Variants in WDR90 observed in about 807,000 individuals in gnomAD.
The protein encoded by WDR90 is WD repeat-containing protein 90.
In WDR90, 238 loss-of-function variants were observed where a neutral mutation model predicts 195.2. The observed-to-expected ratio is 1.22, with a 90% confidence interval of 1.10 to 1.36. The LOEUF (loss-of-function observed/expected upper bound fraction) is 1.36. Ranked by LOEUF, WDR90 falls within the 40% of genes most tolerant of loss-of-function variation. The probability of loss-of-function intolerance (pLI) is 0.00; values close to 1 mark genes in which losing one functional copy is unlikely to be tolerated. For missense variants in WDR90, 2,734 were observed against 2,439.5 expected, an observed-to-expected ratio of 1.12 and a Z score of -2.54; for synonymous variants, 1,265 against 1,052.4, an observed-to-expected ratio of 1.20 and a Z score of -3.91.
Position 651,938 on chromosome 16 carries a change from G to T in WDR90, c.952G>T (p.Ala318Ser), listed in dbSNP as rs1264730992. ...GPGFHSLEPWAQLEASDIHTA... is the reference protein window; with the variant it reads ...GPGFHSLEPWSQLEASDIHTA... ...CGGTTTCCATAGCCTTGAGCCCTGG[G>T]CCCAGCTGGAGGCCTCTGACATCCA... Residue 318 changes from alanine (A) to serine (S), a missense_variant, in exon 9 of 41, where the codon GCC becomes TCC. Physicochemically the swap from Ala to Ser is moderately conservative, Grantham distance 99 (BLOSUM62 1). Coordinates refer to ENST00000293879, the MANE Select transcript of WDR90 (RefSeq NM_145294.5). The T allele has an allele frequency of 4.4e-6, 7 of 1,609,026 alleles. No individual in the cohort carries two copies. The highest frequency in any genetic ancestry group is 5.9e-6 in the Non-Finnish European group (7 of 1,178,674).
chr16:660,216 C>T (rs1021914448), intron 27 of WDR90, 55 bp downstream of exon 27: 83 of 1,414,598 alleles, frequency 5.9e-5, no homozygotes, highest in African/African-American at 1.7e-4. Flanking sequence ...AGAGGCCCCC[C>T]GCAGGGCTCC....
chr16:658,698 C>G (rs2037817490), intron 23 of WDR90, 45 bp downstream of exon 23: 3 of 1,592,002 alleles, frequency 1.9e-6, no homozygotes, highest in African/African-American at 2.7e-5. Flanking sequence ...CAGGAGCCTC[C>G]TCAGGTGGCC....
chr16:649,855 G>A lies in WDR90; in HGVS notation c.102+1G>A. 1 of 1,578,396 alleles carries A rather than the reference G, an allele frequency of 6.3e-7. No homozygotes were observed. The highest frequency in any genetic ancestry group is 1.3e-5 in the African/African-American group (1 of 74,364). ...GCAGGGGGACGTGGCCGTGGTCACG[G>A]TAGGCGGCCGGGGGCTCGCCCGGAG... On this transcript the variant is annotated splice_donor_variant, in intron 2 of 40. Transcript: ENST00000293879. LOFTEE classifies it high-confidence loss of function.
intron 13 of WDR90, chr16:654,750 A>G: frequency 2.1e-6 from 1 of 476,578 alleles, no homozygotes; most frequent in Non-Finnish European, 3.8e-6. Flanking sequence ...GTGCCCAGCC[A>G]CGAGCTGCTT....
At chr16:658,875 A>G (rs768149146) in intron 23 of WDR90, 21 bp from the exon 24 acceptor site, 3 of 1,609,648 alleles carry the variant, frequency 1.9e-6, no homozygotes, top group Middle Eastern at 1.7e-4. Flanking sequence ...GGGGTCCTGC[A>G]TGTGACGCCG....
chr16:667,123 C>A, intron 40 of WDR90, 134 bp downstream of exon 40: 1 of 986,788 alleles, frequency 1.0e-6, no homozygotes, highest in Non-Finnish European at 1.5e-6. Flanking sequence ...GGACATCTGC[C>A]CTAGAGAGGG....
chr16:660,362 GCCT>G (rs1260988351), intron 27 of WDR90, among the ~76,000 whole-genome samples: 1 of 152,122 alleles, frequency 6.6e-6, no homozygotes, highest in Admixed American at 6.5e-5. Context: ...CTCTGTGGTG[GCCT>G]CCTGCTGACC....
At position 661,728 on chromosome 16, in the gene WDR90, G is replaced by A; in HGVS notation, c.3805G>A (p.Gly1269Ser). ...PWDAGELTCV[G>S]QGTVTFWLLQ... ...GGACGCCGGCGAGCTCACCTGTGTG[G>A]GCCAGGGCACTGTCACCTTCTGGCT... Residue 1269 changes from glycine (G) to serine (S), a missense_variant, in exon 31 of 41, where the codon GGC becomes AGC. Coordinates refer to ENST00000293879, the MANE Select transcript of WDR90 (RefSeq NM_145294.5). The A allele has an allele frequency of 1.2e-6, 2 of 1,612,176 alleles. No individual in the cohort carries two copies. Among genetic ancestry groups the A allele is most frequent in the South Asian group, 1.1e-5 (1 of 91,048 alleles).
At chr16:650,895 GC>G in intron 5 of WDR90, 99 bp from the exon 6 acceptor site, 1 of 1,499,918 alleles carries the variant, frequency 6.7e-7, no homozygotes, top group South Asian at 1.2e-5. Context: ...CTGGGGTGGG[GC>G]GGTGGCTGGG....
chr16:652,061 G>A, intron 9 of WDR90, 22 bp downstream of exon 9: 1 of 1,565,458 alleles, frequency 6.4e-7, no homozygotes. Flanking sequence ...TCCCACAGCA[G>A]GCGGGGCCTG....
In WDR90 at chr16:650,977, C is replaced by G; in HGVS notation, c.560-18C>G. On this transcript the variant is annotated intron_variant, in intron 5 of 40. Transcript: ENST00000293879. The stretch of plus-strand genomic sequence containing the variant: ...CTAAACAGCCTCCCTTGACCTGGAA[C>G]AACCCTGCTCCTTGTAGCCATCTCT... 6.2e-7 allele frequency: 1 copy of G among 1,612,044 alleles called. No individual in the cohort carries two copies. The highest frequency in any genetic ancestry group is 8.5e-7 in the Non-Finnish European group (1 of 1,179,258).
chr16:661,918 G>C lies in WDR90; in HGVS notation c.3892G>C (p.Val1298Leu), dbSNP rs1416193931. 5 of 1,609,840 alleles carry C rather than the reference G, an allele frequency of 3.1e-6. No homozygotes were observed. In the African/African-American group the frequency reaches 6.7e-5, roughly 21 times the overall value. ...GCGTCGAGAGCCAGTCCCAGAGGCAGTGGGGGCTGGAGAGCTGACCTCGCT... is the reference window on the plus strand; with the variant it reads ...GCGTCGAGAGCCAGTCCCAGAGGCACTGGGGGCTGGAGAGCTGACCTCGCT... ...QVRREPVPEA[V>L]GAGELTSLCY... Residue 1298 changes from valine (V) to leucine (L), a missense_variant, in exon 32 of 41, where the codon GTG (valine) becomes CTG (leucine). Physicochemically the swap from Val to Leu is conservative, Grantham distance 32. Coordinates refer to ENST00000293879, the MANE Select transcript of WDR90 (RefSeq NM_145294.5).
chr16:666,845 G>A, intron 39 of WDR90, 53 bp downstream of exon 39: 1 of 1,612,876 alleles, frequency 6.2e-7, no homozygotes, highest in Non-Finnish European at 8.5e-7. Flanking sequence ...CAGGGTGGTG[G>A]GTGGGGCCTG....
At chr16:657,988 C>T (rs1331208794) in intron 21 of WDR90, 96 bp downstream of exon 21, 1 of 1,461,842 alleles carries the variant, frequency 6.8e-7, no homozygotes, top group Non-Finnish European at 9.1e-7. Flanking sequence ...GAGCAGGACC[C>T]AGGCCCTGTC....
chr16:651,669 T>C lies in WDR90; in HGVS notation c.762T>C (p.Pro254=). ...EAVLLGPGPQ[P]LPCPVASSKP... is the part of the protein sequence containing the mutation. ...TCCTCCTGGGGCCGGGGCCACAGCC[T>C]CTCCCTTGCCCGGTGGCCTCCAGCA... Residue 254 remains proline, a synonymous_variant, in exon 8 of 41, where the codon CCT becomes CCC. Coordinates refer to ENST00000293879, the MANE Select transcript of WDR90 (RefSeq NM_145294.5). 1 of 1,612,810 alleles carries C rather than the reference T, an allele frequency of 6.2e-7. No individual in the cohort carries two copies. Among genetic ancestry groups the C allele is most frequent in the Non-Finnish European group, 8.5e-7 (1 of 1,179,980 alleles).
At position 652,149 on chromosome 16, in the gene WDR90, T is replaced by A. The variant is rs558660350; in HGVS notation, c.1053+110T>A. 3.1e-5 allele frequency: 40 copies of A among 1,287,094 alleles called. No homozygotes were observed. In the Admixed American group the frequency reaches 6.1e-4, roughly 20 times the overall value. 79.7% of individuals were successfully genotyped at this position (1,287,094 alleles called of 1,614,324 possible). A position where few individuals can be genotyped will look rare whatever the true frequency, so the allele number is the denominator to read the frequency against. On this transcript the variant is annotated intron_variant, in intron 9 of 40. Coordinates refer to ENST00000293879, the MANE Select transcript of WDR90 (RefSeq NM_145294.5). Reference sequence around the variant, plus strand: ...GGATGTGCCTCCAACGGTCTCCTCTTGTTCAGCCTCCTGGCAAGGAGCAGA... The same window carrying A: ...GGATGTGCCTCCAACGGTCTCCTCTAGTTCAGCCTCCTGGCAAGGAGCAGA...
At chr16:658,504 C>T in intron 22 of WDR90, 21 bp from the exon 23 acceptor site, 1 of 1,597,816 alleles carries the variant, frequency 6.3e-7, no homozygotes, top group East Asian at 2.2e-5. Flanking sequence ...CACGGCATTT[C>T]CCAAGAGCAC....
rs1567223849 is a variant in WDR90, at chr16:665,972, G to GC, written c.4463dup (p.Cys1489ValfsTer6). On this transcript the variant is annotated frameshift_variant, in exon 36 of 41. Coordinates refer to ENST00000293879, the MANE Select transcript of WDR90 (RefSeq NM_145294.5). LOFTEE classifies it high-confidence loss of function. ...CAGAGCTGCCTCTGCCTGGCATGGA[G>GC]CCCCCCGTGCTGTGGCCGCCCTGAG... is the stretch of plus-strand genomic sequence containing the variant. 11 of 1,594,418 alleles carry GC rather than the reference G, an allele frequency of 6.9e-6. No homozygotes were observed. The East Asian group carries it at 1.6e-4, about 23-fold the overall frequency.
Position 667,509 on chromosome 16 carries a change from T to C in WDR90, c.5167T>C (p.Cys1723Arg). 1 of 1,612,600 alleles carries C rather than the reference T, an allele frequency of 6.2e-7. No homozygotes were observed. Among genetic ancestry groups the C allele is most frequent in the Non-Finnish European group, 8.5e-7 (1 of 1,179,940 alleles). Residue 1723 changes from cysteine (C) to arginine (R), a missense_variant, in exon 41 of 41, where the codon TGC (cysteine) becomes CGC (arginine). Physicochemically the swap from Cys to Arg is radical, Grantham distance 180 (BLOSUM62 -3). Transcript: ENST00000293879. Reference sequence around the variant, plus strand: ...CGGCCACGACAACGCAGTGCACCTGTGCAGGTTTACACCGTCCGCCAGGCT... The same window carrying C: ...CGGCCACGACAACGCAGTGCACCTGCGCAGGTTTACACCGTCCGCCAGGCT... ...FAGHDNAVHL[C>R]RFTPSARLLF...
Sources: gnomAD v4.1 joint callset for allele counts (sites outside exome capture counted in the v4.1 genomes callset) on GRCh38, gnomAD v4.1.1 for gene constraint, MANE v1.5 for transcripts, NCBI Gene and HGNC (gene_info 2026-07-23, HGNC 2026-07-21) for gene names.